Variants in CIROZ observed in about 807,000 individuals in gnomAD.
CIROZ encodes ciliated left-right organizer ZP-N domains-containing protein.
chr1:10,964,317 A>G, the CIROZ span: 1 of 1,556,334 alleles, frequency 6.4e-7, no homozygotes. Flanking sequence ...AGAGGAAAAT[A>G]CAGTTAATAG....
chr1:10,964,037 G>A, the CIROZ span: 17 of 1,499,882 alleles, frequency 1.1e-5, no homozygotes, highest in Non-Finnish European at 1.5e-5. Context: ...GTCCTGTGGT[G>A]CAGGAGCCAG....
chr1:10,947,848 G>A, the CIROZ span: 1 of 1,605,746 alleles, frequency 6.2e-7, no homozygotes, highest in East Asian at 2.2e-5. Context: ...GGAGCCCACA[G>A]GCTCAGGGTT....
the CIROZ span, chr1:10,948,717 G>T: frequency 6.4e-7 from 1 of 1,567,268 alleles, no homozygotes; most frequent in South Asian, 1.2e-5. Flanking sequence ...GGGGTGTCCA[G>T]GGATCCCTGC....
chr1:10,976,351 T>C, the CIROZ span: 8 of 846,870 alleles, frequency 9.4e-6, no homozygotes, highest in East Asian at 2.8e-5. Flanking sequence ...TTTTTTTTTT[T>C]CTGAGACGGA....
the CIROZ span, chr1:10,946,805 T>G: frequency 6.6e-6 from 1 of 152,124 alleles, no homozygotes; most frequent in African/African-American, 2.4e-5. Context: ...CATCCCATTC[T>G]CCTCCCCTGG....
At chr1:10,966,309 C>T in the CIROZ span, 1 of 1,482,736 alleles carries the variant, frequency 6.7e-7, no homozygotes, top group Non-Finnish European at 8.9e-7. Context: ...AGGCTTAGCT[C>T]CTTAAATCTC....
the CIROZ span, among the ~76,000 whole-genome samples, chr1:10,953,246 T>C: frequency 3.2e-3 from 483 of 152,344 alleles, no homozygotes; most frequent in Non-Finnish European, 5.1e-3. Context: ...ACATCTGAGT[T>C]AAATCTCCTT....
At chr1:10,946,632 G>T in the CIROZ span, 2 of 152,162 alleles carry the variant, frequency 1.3e-5, no homozygotes, top group African/African-American at 4.8e-5. Flanking sequence ...GTGCTCTTCC[G>T]GCCCAGAACA....
At chr1:10,970,125 G>C in the CIROZ span, 1 of 1,424,994 alleles carries the variant, frequency 7.0e-7, no homozygotes, top group East Asian at 2.6e-5. Flanking sequence ...GGGAGGTGGG[G>C]AAGGGAGGGA....
At chr1:10,954,565 C>G in the CIROZ span, among the ~76,000 whole-genome samples, 24 of 152,202 alleles carry the variant, frequency 1.6e-4, 1 homozygote, top group South Asian at 2.9e-3. Flanking sequence ...TTGGTAAAAG[C>G]ACGGGCCTGA....
At chr1:10,981,295 A>T in the CIROZ span, among the ~76,000 whole-genome samples, 7 of 152,248 alleles carry the variant, frequency 4.6e-5, no homozygotes, top group Admixed American at 1.3e-4. Flanking sequence ...CAAAAAAATT[A>T]AAAAATTACC....
chr1:10,955,281 TGTGGCCGGCACAGCACACTTCCCCA>T, the CIROZ span: 1 of 1,195,686 alleles, frequency 8.4e-7, no homozygotes, highest in Admixed American at 2.2e-5. Context: ...GGGCCACACC[TGTGGCCGGCACAGCACACTTCCCCA>T]GTCAGTGACA....
the CIROZ span, chr1:10,948,573 G>C: frequency 6.2e-7 from 1 of 1,614,198 alleles, no homozygotes; most frequent in East Asian, 2.2e-5. Flanking sequence ...CCTCGGGGCT[G>C]GCGGTGAAGG....
chr1:10,970,963 C>T, the CIROZ span, among the ~76,000 whole-genome samples: 5 of 147,956 alleles, frequency 3.4e-5, no homozygotes, highest in Middle Eastern at 6.9e-3. Flanking sequence ...TGGGCCAAAG[C>T]AAGACCCCCC....
the CIROZ span, among the ~76,000 whole-genome samples, chr1:10,981,201 T>C: frequency 0.055 from 8,357 of 152,206 alleles, 579 homozygotes; most frequent in African/African-American, 0.16. Flanking sequence ...GTAATCCCAA[T>C]ACTTTGGGAG....
the CIROZ span, among the ~76,000 whole-genome samples, chr1:10,950,780 T>G: frequency 6.6e-6 from 1 of 152,332 alleles, no homozygotes; most frequent in East Asian, 1.9e-4. Flanking sequence ...ATACAGCCCT[T>G]GGACATGTTT....
the CIROZ span, chr1:10,957,643 C>CCCACCTCT: frequency 6.2e-7 from 1 of 1,614,026 alleles, no homozygotes; most frequent in African/African-American, 1.3e-5. Flanking sequence ...GGCCTTGTCT[C>CCCACCTCT]GGGCTTTGGA....
the CIROZ span, among the ~76,000 whole-genome samples, chr1:10,960,379 G>A: frequency 2.0e-5 from 3 of 152,102 alleles, no homozygotes; most frequent in Non-Finnish European, 4.4e-5. The surrounding 1 kb of genome is among the most constrained non-coding windows in gnomAD (Gnocchi z 4.6). Flanking sequence ...CTCCAGCCTG[G>A]GCGACTCTGG....
chr1:10,981,473 G>GGAGAGA, the CIROZ span, among the ~76,000 whole-genome samples: 56 of 150,558 alleles, frequency 3.7e-4, no homozygotes, highest in African/African-American at 1.1e-3. Flanking sequence ...AGACAGAGAG[G>GGAGAGA]GAGAGAGAGA....
Sources: gnomAD v4.1 joint callset for allele counts (sites outside exome capture counted in the v4.1 genomes callset) on GRCh38, gnomAD v4.1.1 for gene constraint, Gnocchi (gnomAD v3.1) non-coding constraint, MANE v1.5 for transcripts, NCBI Gene and HGNC (gene_info 2026-07-23, HGNC 2026-07-21) for gene names.